Variants in CDH18 observed in about 807,000 individuals in gnomAD.
CDH18 encodes the protein cadherin 18, also known as cadherin-18.
CDH18 carries 31 observed loss-of-function variants against 67.9 expected under a neutral mutation model. The observed-to-expected ratio is 0.46, with a 90% CI of 0.34 to 0.62. The LOEUF is 0.62. Ranked by LOEUF, CDH18 falls within the 20% of genes least tolerant of loss-of-function variation. The probability of loss-of-function intolerance (pLI) is 0.01; values close to 1 mark genes in which losing one functional copy is unlikely to be tolerated. For synonymous variants in CDH18, 362 were observed against 347.2 expected, an observed-to-expected ratio of 1.04 and a Z score of -0.48; for missense variants, 890 against 975.5, an observed-to-expected ratio of 0.91 and a Z score of 1.17.
intron 2 of CDH18, among the ~76,000 whole-genome samples, chr5:19,918,218 T>C (rs1792044287): frequency 6.6e-6 from 1 of 152,158 alleles, no homozygotes; most frequent in Non-Finnish European, 1.5e-5. Flanking sequence ...TTAAATAGGA[T>C]AACTTTGAAA....
intron 4 of CDH18, among the ~76,000 whole-genome samples, chr5:19,737,548 G>A (rs1768508279): frequency 6.6e-6 from 1 of 151,868 alleles, no homozygotes; most frequent in Non-Finnish European, 1.5e-5. Flanking sequence ...TTCTCTCTGT[G>A]CCTGATCACT....
intron 2 of CDH18, among the ~76,000 whole-genome samples, chr5:20,186,288 G>T (rs1738095964): frequency 1.3e-5 from 2 of 151,764 alleles, no homozygotes; most frequent in Admixed American, 6.6e-5. Context: ...AAAAAATAAA[G>T]AAGTTAGAAT....
intron 1 of CDH18, among the ~76,000 whole-genome samples, chr5:20,484,165 A>T (rs189347813): frequency 6.6e-6 from 1 of 152,156 alleles, no homozygotes; most frequent in Non-Finnish European, 1.5e-5. Flanking sequence ...TGTCCAGCAG[A>T]TATATAAAAA....
chr5:20,557,676 G>T (rs1308916219), intron 1 of CDH18, among the ~76,000 whole-genome samples: 1 of 151,894 alleles, frequency 6.6e-6, no homozygotes, highest in African/African-American at 2.4e-5. Context: ...GATTTTGAAG[G>T]TTCACATAAA....
intron 2 of CDH18, among the ~76,000 whole-genome samples, chr5:20,127,689 G>C (rs1423413346): frequency 6.6e-6 from 1 of 152,068 alleles, no homozygotes; most frequent in Admixed American, 6.6e-5. Flanking sequence ...GCCAGTGGCT[G>C]GAGCAAATGG....
At chr5:20,300,999 T>C (rs181175681) in intron 1 of CDH18, among the ~76,000 whole-genome samples, 16 of 152,268 alleles carry the variant, frequency 1.1e-4, no homozygotes, top group Admixed American at 9.2e-4. Flanking sequence ...AAGAATTTCT[T>C]TGGAGCCTGA....
chr5:19,848,754 T>C (rs542880190), intron 2 of CDH18, among the ~76,000 whole-genome samples: 14 of 151,442 alleles, frequency 9.2e-5, no homozygotes, highest in Non-Finnish European at 1.9e-4. Flanking sequence ...AGGTGAGAAA[T>C]GATGGTAGTG....
At chr5:20,518,914 A>T (rs1755544829) in intron 1 of CDH18, among the ~76,000 whole-genome samples, 1 of 152,206 alleles carries the variant, frequency 6.6e-6, no homozygotes, top group Non-Finnish European at 1.5e-5. Flanking sequence ...TACCAAGTGA[A>T]GTTTTACAAC....
At chr5:20,372,948 T>G (rs75549375) in intron 1 of CDH18, among the ~76,000 whole-genome samples, 2,236 of 152,284 alleles carry the variant, frequency 0.015, 55 homozygotes, top group African/African-American at 0.051. Context: ...TTAAGGATGT[T>G]TTCTCAAAAT....
intron 2 of CDH18, among the ~76,000 whole-genome samples, chr5:19,885,802 G>T (rs1433018651): frequency 6.6e-6 from 1 of 152,130 alleles, no homozygotes; most frequent in Non-Finnish European, 1.5e-5. Flanking sequence ...CATAACAACA[G>T]ATGACATGCT....
intron 4 of CDH18, among the ~76,000 whole-genome samples, chr5:19,743,795 C>T (rs112961189): frequency 9.9e-5 from 15 of 152,048 alleles, no homozygotes; most frequent in African/African-American, 3.4e-4. Context: ...GAGGCACACG[C>T]CTGTAATCCC....
intron 5 of CDH18, among the ~76,000 whole-genome samples, chr5:19,618,211 CTTT>C (rs1197243032): frequency 6.9e-6 from 1 of 145,206 alleles, no homozygotes; most frequent in African/African-American, 2.5e-5. Context: ...ATTTTTCTTT[CTTT>C]TTTTTTTTTG....
In CDH18 at chr5:20,215,941, A is replaced by G. The variant is rs1416276034; in HGVS notation, c.-518+39503T>C. ...CTAAATGATGGGAACACATGAACAC[A>G]TAGAAAGGAAAAACACATATTAAGT... On this transcript the variant is annotated intron_variant, in intron 2 of 14. Coordinates refer to the CDH18 transcript ENST00000507958. Among the ~76,000 whole-genome samples, 7 of 152,096 alleles carry G rather than the reference A, an allele frequency of 4.6e-5. No homozygotes were observed. The East Asian group carries it at 1.4e-3, about 29-fold the overall frequency.
chr5:20,531,808 T>C (rs1756416987), intron 1 of CDH18, among the ~76,000 whole-genome samples: 1 of 152,010 alleles, frequency 6.6e-6, no homozygotes, highest in African/African-American at 2.4e-5. Context: ...ATCTAGGTGA[T>C]GGGTAGATAG....
intron 7 of CDH18, among the ~76,000 whole-genome samples, chr5:19,589,760 C>G (rs1744785426): frequency 6.6e-6 from 1 of 152,100 alleles, no homozygotes; most frequent in African/African-American, 2.4e-5. Flanking sequence ...CTCATTCCCT[C>G]TACTCTGGAT....
intron 2 of CDH18, among the ~76,000 whole-genome samples, chr5:19,968,298 A>T (rs1797672210): frequency 6.6e-6 from 1 of 152,170 alleles, no homozygotes; most frequent in Non-Finnish European, 1.5e-5. Flanking sequence ...TGCCATCCCC[A>T]TCAAGCTACC....
intron 2 of CDH18, among the ~76,000 whole-genome samples, chr5:20,042,736 A>T (rs964785273): frequency 6.6e-6 from 1 of 152,038 alleles, no homozygotes; most frequent in African/African-American, 2.4e-5. Context: ...GGCCGAGGAC[A>T]GCAGATCATG....
At chr5:20,234,207 A>G (rs1382397143) in intron 2 of CDH18, among the ~76,000 whole-genome samples, 2 of 152,178 alleles carry the variant, frequency 1.3e-5, no homozygotes, top group Non-Finnish European at 1.5e-5. Context: ...TCAAATAAGC[A>G]GGATCATCCA....
At chr5:19,690,809 T>C (rs756608100) in intron 5 of CDH18, among the ~76,000 whole-genome samples, 1 of 151,370 alleles carries the variant, frequency 6.6e-6, no homozygotes, top group Non-Finnish European at 1.5e-5. Flanking sequence ...AGAGAGAAAA[T>C]CCCAGGACCT....
Sources: gnomAD v4.1 joint callset for allele counts (sites outside exome capture counted in the v4.1 genomes callset) on GRCh38, gnomAD v4.1.1 for gene constraint, MANE v1.5 for transcripts, NCBI Gene and HGNC (gene_info 2026-07-23, HGNC 2026-07-21) for gene names.